Variants in SCFD1 observed in about 807,000 individuals in gnomAD.
The protein encoded by SCFD1 is sec1 family domain-containing protein 1.
SCFD1 carries 37 observed loss-of-function variants against 103.2 expected under a neutral mutation model. The observed-to-expected ratio is 0.36, with a 90% CI of 0.28 to 0.47. The LOEUF (loss-of-function observed/expected upper bound fraction) is 0.47, where lower values mean the gene tolerates loss of function less well. SCFD1 is among the 20% of genes least tolerant of loss of function. The probability of loss-of-function intolerance (pLI) is 1.00; values close to 1 mark genes in which losing one functional copy is unlikely to be tolerated. For missense variants in SCFD1, 639 were observed against 761.2 expected (o/e 0.84, Z 1.89); for synonymous variants, 264 against 245.0 (o/e 1.08, Z -0.73).
At chr14:30,625,035 C>A (rs904143051) in intron 1 of SCFD1, among the ~76,000 whole-genome samples, 2 of 152,098 alleles carry the variant, frequency 1.3e-5, no homozygotes, top group African/African-American at 4.8e-5. Flanking sequence ...CCCAATCTTA[C>A]CTTTCTTCAA....
chr14:30,727,869 G>C (rs575334237), intron 23 of SCFD1, among the ~76,000 whole-genome samples: 107 of 152,184 alleles, frequency 7.0e-4, no homozygotes, highest in Non-Finnish European at 1.3e-3. Context: ...CAAGTTTATA[G>C]GACTGTCTTG....
chr14:30,735,472 A>ATGCAG (rs1412596460), intron 24 of SCFD1, 114 bp from the exon 25 acceptor site: 1 of 729,144 alleles, frequency 1.4e-6, no homozygotes, highest in Non-Finnish European at 2.4e-6. Context: ...TATTCTAGGA[A>ATGCAG]TGCAGTGAAT....
intron 7 of SCFD1, among the ~76,000 whole-genome samples, chr14:30,647,915 T>G (rs1886002495): frequency 6.6e-6 from 1 of 152,162 alleles, no homozygotes; most frequent in African/African-American, 2.4e-5. Context: ...CCTCCCAAAG[T>G]GCTGGGATTA....
chr14:30,707,161 A>T (rs1181085685), intron 18 of SCFD1, among the ~76,000 whole-genome samples: 1 of 152,232 alleles, frequency 6.6e-6, no homozygotes, highest in African/African-American at 2.4e-5. Context: ...ACATTAGCCT[A>T]TTAGAGTTCT....
rs1285381624 is a variant in SCFD1, at chr14:30,649,503, T to C, written c.614-25T>C. On this transcript the variant is annotated intron_variant, in intron 7 of 24. Transcript: ENST00000458591. ...CTATTTTAATTAAGAGCCAAGATCATTTCTAACATTTATTGTTAAAATAGG... is the reference window on the plus strand; with the variant it reads ...CTATTTTAATTAAGAGCCAAGATCACTTCTAACATTTATTGTTAAAATAGG... 6 of 1,514,206 alleles carry C rather than the reference T, an allele frequency of 4.0e-6. No individual in the cohort carries two copies. The African/African-American group carries it at 7.1e-5, about 18-fold the overall frequency. The allele number at this position is 1,514,206 out of a possible 1,614,324, so 93.8% of individuals were successfully genotyped here. A position where few individuals can be genotyped will look rare whatever the true frequency, so the allele number is the denominator to read the frequency against.
At chr14:30,674,409 G>C (rs1309403023) in intron 13 of SCFD1, among the ~76,000 whole-genome samples, 1 of 152,078 alleles carries the variant, frequency 6.6e-6, no homozygotes. Context: ...TTGGGAGGCT[G>C]AGGCGGGCAG....
intron 19 of SCFD1, among the ~76,000 whole-genome samples, chr14:30,711,883 A>T (rs963249943): frequency 6.6e-6 from 1 of 152,086 alleles, no homozygotes; most frequent in Non-Finnish European, 1.5e-5. Flanking sequence ...AGTAGGTGAT[A>T]GTACAGGTGA....
chr14:30,635,990 T>C (rs1159621360), intron 4 of SCFD1, among the ~76,000 whole-genome samples: 2 of 152,140 alleles, frequency 1.3e-5, no homozygotes, highest in Admixed American at 6.5e-5. Flanking sequence ...TTGATTTGCA[T>C]TTCTGTAATT....
chr14:30,650,352 C>T (rs958639359), intron 8 of SCFD1, among the ~76,000 whole-genome samples: 6 of 152,080 alleles, frequency 3.9e-5, no homozygotes, highest in African/African-American at 1.4e-4. Context: ...GACATCAGGC[C>T]CGACTCACAG....
chr14:30,632,050 A>G (rs1481126748), intron 3 of SCFD1, among the ~76,000 whole-genome samples: 5 of 49,510 alleles, frequency 1.0e-4, no homozygotes, highest in South Asian at 1.1e-3. Context: ...TCTGTTGAAA[A>G]AAAAAAAAAA....
At chr14:30,724,259 T>TTTTG (rs1555361484) in intron 23 of SCFD1, among the ~76,000 whole-genome samples, 42 of 136,562 alleles carry the variant, frequency 3.1e-4, no homozygotes, top group African/African-American at 1.1e-3. Flanking sequence ...TTTTTTTTTT[T>TTTTG]TTTTTTTTTT....
At chr14:30,658,505 G>A (rs1388560940) in intron 10 of SCFD1, 1 of 154,416 alleles carries the variant, frequency 6.5e-6, no homozygotes, top group Non-Finnish European at 1.4e-5. Context: ...CGATTCTCCT[G>A]CCTCAGCCTC....
chr14:30,726,320 A>G (rs1893042365), intron 23 of SCFD1, among the ~76,000 whole-genome samples: 1 of 152,240 alleles, frequency 6.6e-6, no homozygotes, highest in Non-Finnish European at 1.5e-5. Context: ...TATAACAATT[A>G]TTAATCTAGT....
chr14:30,656,075 ACTGTCCTC>A (rs1314015701), intron 10 of SCFD1, among the ~76,000 whole-genome samples: 1 of 151,948 alleles, frequency 6.6e-6, no homozygotes, highest in Non-Finnish European at 1.5e-5. Flanking sequence ...TGATCACATC[ACTGTCCTC>A]CAGCCTGGGT....
intron 14 of SCFD1, among the ~76,000 whole-genome samples, chr14:30,691,932 C>CTTTATTTATTTA (rs10639442): frequency 0.072 from 10,319 of 143,148 alleles, 507 homozygotes; most frequent in East Asian, 0.13. Flanking sequence ...ATTTAGCATA[C>CTTTATTTATTTA]TTTATTTATT....
chr14:30,711,701 T>A (rs777388802), intron 19 of SCFD1, among the ~76,000 whole-genome samples: 3 of 152,084 alleles, frequency 2.0e-5, no homozygotes, highest in Non-Finnish European at 4.4e-5. Context: ...TTATGTAATA[T>A]TATAACTTAT....
chr14:30,722,458 C>T (rs764725255), intron 22 of SCFD1, 36 bp from the exon 23 acceptor site: 10 of 1,390,560 alleles, frequency 7.2e-6, no homozygotes, highest in Non-Finnish European at 1.0e-5. Context: ...AGACTAAAAA[C>T]TGTGTTTTTT....
At chr14:30,716,385 A>G (rs914219079) in intron 20 of SCFD1, among the ~76,000 whole-genome samples, 44 of 152,340 alleles carry the variant, frequency 2.9e-4, no homozygotes, top group Admixed American at 7.8e-4. Flanking sequence ...TTAAGTACAT[A>G]TGTTTACAGG....
At chr14:30,632,092 T>C (rs1420195624) in intron 3 of SCFD1, among the ~76,000 whole-genome samples, 2 of 150,338 alleles carry the variant, frequency 1.3e-5, no homozygotes, top group Non-Finnish European at 3.0e-5. Context: ...AGAAGGACTG[T>C]GTTCATGGAT....
Sources: allele counts gnomAD v4.1 joint callset (sites outside exome capture counted in the v4.1 genomes callset), GRCh38; gene constraint gnomAD v4.1.1; transcripts MANE v1.5; gene names NCBI Gene and HGNC (gene_info 2026-07-23, HGNC 2026-07-21).